TMEM132D: variants seen among roughly 807,000 people sequenced by gnomAD.
TMEM132D encodes the protein mature OL transmembrane protein.
TMEM132D carries 21 observed loss-of-function variants against 62.3 expected under a neutral mutation model. That is an observed-to-expected ratio of 0.34 (90% CI 0.24 to 0.49). The LOEUF is 0.49. Among genes scored for constraint, TMEM132D ranks in the 20% least tolerant of loss-of-function variants. The pLI is 0.99. For missense variants in TMEM132D, 1,346 were observed against 1,402.8 expected (o/e 0.96, Z 0.65); for synonymous variants, 621 against 575.6 (o/e 1.08, Z -1.13).
rs556869140 is a variant in TMEM132D, at chr12:129,543,831, C to T, written c.969-12626G>A. 1.5e-3 allele frequency among the ~76,000 whole-genome samples: 222 copies of T among 152,246 alleles called. 1 individual carries two copies. The highest frequency in any genetic ancestry group is 5.1e-3 in the African/African-American group (213 of 41,528). On this transcript the variant is annotated intron_variant, in intron 2 of 8. Transcript: ENST00000422113. ...TTATAGATCCACTGCATTCTTTTTTCTACACATACTAATCCATTGTGTGCT... is the reference window on the plus strand; with the variant it reads ...TTATAGATCCACTGCATTCTTTTTTTTACACATACTAATCCATTGTGTGCT...
chr12:129,232,893 G>A (rs1266614253), intron 4 of TMEM132D, among the ~76,000 whole-genome samples: 1 of 151,990 alleles, frequency 6.6e-6, no homozygotes, highest in Non-Finnish European at 1.5e-5. Flanking sequence ...CAGATCTCAT[G>A]AGAACTCCCT....
intron 3 of TMEM132D, among the ~76,000 whole-genome samples, chr12:129,460,742 G>A (rs1182665307): frequency 6.6e-6 from 1 of 152,162 alleles, no homozygotes; most frequent in Non-Finnish European, 1.5e-5. Flanking sequence ...TATATGACAT[G>A]TTTCTTATGT....
intron 2 of TMEM132D, among the ~76,000 whole-genome samples, chr12:129,642,920 C>CT (rs71082742): frequency 0.059 from 6,240 of 105,518 alleles, 891 homozygotes; most frequent in African/African-American, 0.21. Context: ...ATTTACAAAT[C>CT]TTTTTTTTTT....
intron 1 of TMEM132D, among the ~76,000 whole-genome samples, chr12:129,868,796 C>G (rs1874150125): frequency 6.6e-6 from 1 of 152,190 alleles, no homozygotes; most frequent in East Asian, 1.9e-4. Flanking sequence ...TCTTCCCACC[C>G]TGCCCCCAGG....
intron 5 of TMEM132D, among the ~76,000 whole-genome samples, chr12:129,157,011 AC>A (rs959442331): frequency 2.0e-5 from 3 of 152,072 alleles, no homozygotes; most frequent in African/African-American, 7.2e-5. Context: ...ATGATAATCA[AC>A]CCACTCTTGA....
chr12:129,112,308 C>T (rs1018409792), intron 5 of TMEM132D, among the ~76,000 whole-genome samples: 4 of 152,176 alleles, frequency 2.6e-5, no homozygotes, highest in Admixed American at 6.5e-5. Context: ...CCAGGGTTTA[C>T]ACCCGTGCTG....
chr12:129,128,976 T>A (rs1454350665), intron 5 of TMEM132D, among the ~76,000 whole-genome samples: 1 of 151,582 alleles, frequency 6.6e-6, no homozygotes, highest in Non-Finnish European at 1.5e-5. Flanking sequence ...ACGCACCACA[T>A]TTTCTTTTCT....
chr12:129,488,666 C>T (rs776032088), intron 3 of TMEM132D, among the ~76,000 whole-genome samples: 1 of 152,124 alleles, frequency 6.6e-6, no homozygotes, highest in Non-Finnish European at 1.5e-5. Context: ...CAGCAAGACT[C>T]TGTCTGGAGG....
intron 2 of TMEM132D, among the ~76,000 whole-genome samples, chr12:129,550,985 C>A (rs1196136396): frequency 2.0e-5 from 3 of 152,220 alleles, no homozygotes; most frequent in Non-Finnish European, 2.9e-5. Flanking sequence ...AAAGCCACCA[C>A]TTAAGAAGCT....
At chr12:129,551,047 A>G (rs908227539) in intron 2 of TMEM132D, among the ~76,000 whole-genome samples, 80 of 152,376 alleles carry the variant, frequency 5.3e-4, no homozygotes, top group African/African-American at 1.8e-3. Flanking sequence ...GCCATGAACC[A>G]GTCTGAAACC....
intron 3 of TMEM132D, among the ~76,000 whole-genome samples, chr12:129,505,133 ATATGGTC>A (rs1377358603): frequency 6.6e-6 from 1 of 152,138 alleles, no homozygotes; most frequent in Non-Finnish European, 1.5e-5. Context: ...GTGGCCTATC[ATATGGTC>A]TATCTTGGAG....
intron 3 of TMEM132D, among the ~76,000 whole-genome samples, chr12:129,486,975 C>T (rs1874599621): frequency 6.7e-6 from 1 of 148,982 alleles, no homozygotes; most frequent in African/African-American, 2.5e-5. Context: ...ATGAAGGATA[C>T]GAGAGGCCTG....
At chr12:129,476,307 G>A (rs1593028453) in intron 3 of TMEM132D, among the ~76,000 whole-genome samples, 1 of 152,334 alleles carries the variant, frequency 6.6e-6, no homozygotes, top group East Asian at 1.9e-4. Context: ...ATGCTGAGAA[G>A]TATTGCTGTC....
rs145404523 is a variant in TMEM132D at position 129,073,564 on chromosome 12, G to C, written c.*311C>G. ...TACAATATCCAAATTGCTTTGATTC[G>C]AGAGAGAGAGGCTGTTCTTTCCTGG... is the stretch of plus-strand genomic sequence containing the variant. On this transcript the variant is annotated 3_prime_UTR_variant, in exon 9 of 9. Transcript: ENST00000422113. The C allele has an allele frequency of 3.0e-5, 8 of 267,438 alleles. No individual in the cohort carries two copies. Among genetic ancestry groups the C allele is most frequent in the Non-Finnish European group, 4.9e-5 (7 of 142,454 alleles). 16.6% of individuals were successfully genotyped at this position (267,438 alleles called of 1,614,324 possible).
At chr12:129,657,362 G>A (rs147135271) in intron 2 of TMEM132D, among the ~76,000 whole-genome samples, 39 of 151,726 alleles carry the variant, frequency 2.6e-4, no homozygotes, top group Non-Finnish European at 3.4e-4. Flanking sequence ...CATTTCCACC[G>A]TCAACTGGTT....
intron 2 of TMEM132D, among the ~76,000 whole-genome samples, chr12:129,607,947 C>G (rs1593086557): frequency 6.6e-6 from 1 of 152,294 alleles, no homozygotes; most frequent in South Asian, 2.1e-4. Context: ...GATAATCACA[C>G]TCAGCCCCCA....
chr12:129,154,232 G>A (rs554817931), intron 5 of TMEM132D, among the ~76,000 whole-genome samples: 1 of 152,252 alleles, frequency 6.6e-6, no homozygotes, highest in South Asian at 2.1e-4. Context: ...CTCAGAGGGA[G>A]GTGAGGAGAG....
intron 2 of TMEM132D, among the ~76,000 whole-genome samples, chr12:129,655,510 G>C (rs773516249): frequency 6.6e-6 from 1 of 151,998 alleles, no homozygotes; most frequent in Non-Finnish European, 1.5e-5. Flanking sequence ...GCCTCTCAAA[G>C]TGCTGGGATT....
intron 1 of TMEM132D, among the ~76,000 whole-genome samples, chr12:129,841,058 T>C (rs915057562): frequency 2.0e-5 from 3 of 152,162 alleles, no homozygotes; most frequent in African/African-American, 7.2e-5. Context: ...CAATAAAATG[T>C]AAAAAGAATC....
Sources: allele counts gnomAD v4.1 joint callset (sites outside exome capture counted in the v4.1 genomes callset), GRCh38; gene constraint gnomAD v4.1.1; transcripts MANE v1.5; gene names NCBI Gene and HGNC (gene_info 2026-07-23, HGNC 2026-07-21).